The following TDP2 variants were observed in gnomAD, a reference collection of about 807,000 sequenced individuals.
TDP2 encodes the protein 5'-Tyr-DNA phosphodiesterase.
Under a neutral mutation model 42.8 loss-of-function variants are expected in TDP2, and 38 were observed. That is an observed-to-expected ratio of 0.89 (90% CI 0.68 to 1.16). The LOEUF is 1.16. Among genes scored for constraint, TDP2 ranks in the 50% most tolerant of loss-of-function variants. The probability of loss-of-function intolerance (pLI) is 0.00; values close to 1 mark genes in which losing one functional copy is unlikely to be tolerated. For missense variants in TDP2, 439 were observed against 439.3 expected, an observed-to-expected ratio of 1.00 and a Z score of 0.01; for synonymous variants, 173 against 150.6, an observed-to-expected ratio of 1.15 and a Z score of -1.09.
At chr6:24,666,382 C>A (rs938197447) in intron 2 of TDP2, 144 bp downstream of exon 2, 1 of 1,407,858 alleles carries the variant, frequency 7.1e-7, no homozygotes, top group Non-Finnish European at 9.8e-7. Flanking sequence ...AGCAGCAACG[C>A]AAGCCCTGCT....
At chr6:24,657,091 A>AC (rs1269809852) in intron 4 of TDP2, among the ~76,000 whole-genome samples, 1 of 152,260 alleles carries the variant, frequency 6.6e-6, no homozygotes, top group Non-Finnish European at 1.5e-5. Context: ...CTTGAACAAC[A>AC]CAAGTGAACT....
intron 2 of TDP2, among the ~76,000 whole-genome samples, chr6:24,661,805 T>C (rs1435173697): frequency 7.9e-6 from 1 of 126,154 alleles, no homozygotes; most frequent in Non-Finnish European, 1.6e-5. Flanking sequence ...TAGACTTTTT[T>C]TCAACGTCTT....
intron 6 of TDP2, 135 bp downstream of exon 6, chr6:24,652,848 C>T (rs1021106302): frequency 4.2e-5 from 39 of 922,582 alleles, no homozygotes; most frequent in South Asian, 4.2e-4. Flanking sequence ...AACAAATATT[C>T]GCTGAATTGC....
chr6:24,662,593 C>T (rs919858699), intron 2 of TDP2, among the ~76,000 whole-genome samples: 1 of 144,790 alleles, frequency 6.9e-6, no homozygotes, highest in African/African-American at 2.6e-5. Flanking sequence ...TCCCCCTCAC[C>T]GAGATGGGGA....
At chr6:24,653,474 C>T (rs1035662603) in intron 5 of TDP2, among the ~76,000 whole-genome samples, 1 of 152,116 alleles carries the variant, frequency 6.6e-6, no homozygotes, top group African/African-American at 2.4e-5. Flanking sequence ...GCCCCCTAGG[C>T]TAAATTAAAA....
chr6:24,650,574 T>G lies in TDP2; in HGVS notation c.*214A>C. 1 of 559,524 alleles carries G rather than the reference T, an allele frequency of 1.8e-6. No individual in the cohort carries two copies. The highest frequency in any genetic ancestry group is 3.1e-5 in the East Asian group (1 of 32,024). 34.7% of individuals were successfully genotyped at this position (559,524 alleles called of 1,614,324 possible). A position where few individuals can be genotyped will look rare whatever the true frequency, so the allele number is the denominator to read the frequency against. The stretch of plus-strand genomic sequence containing the variant: ...ACTCTGACAGGCTTTGTGCCCTTTT[T>G]ATTAAATGGCCTCACATCCTGAATG... On this transcript the variant is annotated 3_prime_UTR_variant, in exon 7 of 7. Coordinates refer to ENST00000378198, the MANE Select transcript of TDP2 (RefSeq NM_016614.3).
Position 24,666,812 on chromosome 6 carries a change from C to A in TDP2, c.51G>T (p.Glu17Asp). 1 of 1,614,224 alleles carries A rather than the reference C, an allele frequency of 6.2e-7. No individual in the cohort carries two copies. The highest frequency in any genetic ancestry group is 1.1e-5 in the South Asian group (1 of 91,090). The change falls in exon 1 of 7, where the codon GAG becomes GAT. Residue 17 changes from glutamate (E) to aspartate (D), a missense_variant. Transcript: ENST00000378198. ...LEGGREAAEEEGEPEVKKRRL... is the reference protein window; with the variant it reads ...LEGGREAAEEDGEPEVKKRRL... The stretch of plus-strand genomic sequence containing the variant: ...GCCGCTTTTTCACCTCAGGCTCGCC[C>A]TCTTCCTCCGCCGCCTCCCTCCCGC...
chr6:24,653,154 C>A lies in TDP2; in HGVS notation c.637-1G>T, dbSNP rs1190235147. The A allele has an allele frequency of 6.2e-7, 1 of 1,613,918 alleles. No individual in the cohort carries two copies. Among genetic ancestry groups the A allele is most frequent in the South Asian group, 1.1e-5 (1 of 91,066 alleles). ...AAAGCTCATTTCCTGACACGTTCAC[C>A]TGCAGCAGGACAAACAGTCATTAAA... On this transcript the variant is annotated splice_acceptor_variant, in intron 5 of 6. Transcript: ENST00000378198. LOFTEE classifies it high-confidence loss of function.
intron 2 of TDP2, among the ~76,000 whole-genome samples, chr6:24,660,765 T>C (rs1778133127): frequency 6.6e-6 from 1 of 152,202 alleles, no homozygotes; most frequent in African/African-American, 2.4e-5. Context: ...TCTCTTTTAA[T>C]TTTCTTCAAT....
chr6:24,653,491 T>C (rs1778006229), intron 5 of TDP2, among the ~76,000 whole-genome samples: 2 of 152,150 alleles, frequency 1.3e-5, no homozygotes, highest in African/African-American at 2.4e-5. Context: ...AAAAGGACAA[T>C]TATTTCCCTC....
chr6:24,660,060 A>G (rs1778116716), intron 2 of TDP2, among the ~76,000 whole-genome samples: 1 of 152,230 alleles, frequency 6.6e-6, no homozygotes, highest in African/African-American at 2.4e-5. Flanking sequence ...TAAACTATTC[A>G]TGAATTTTAA....
In TDP2 at chr6:24,654,545, G is replaced by A; in HGVS notation, c.518-15C>T. On this transcript the variant is annotated splice_polypyrimidine_tract_variant and intron_variant, in intron 4 of 6. Transcript: ENST00000378198. ...TTCTTCATGACCTACAAATGTTTGT[G>A]GAAAAGAATTTAGGCTGAGAAGGTG... The A allele has an allele frequency of 7.3e-7, 1 of 1,377,264 alleles. No homozygotes were observed. Among genetic ancestry groups the A allele is most frequent in the Non-Finnish European group, 1.0e-6 (1 of 980,454 alleles). 85.3% of individuals were successfully genotyped at this position (1,377,264 alleles called of 1,614,324 possible). A position where few individuals can be genotyped will look rare whatever the true frequency, so the allele number is the denominator to read the frequency against.
At chr6:24,659,071 C>T (rs1029501009) in intron 2 of TDP2, 6 of 178,084 alleles carry the variant, frequency 3.4e-5, no homozygotes, top group African/African-American at 1.2e-4. Flanking sequence ...TTTTCAGACG[C>T]TGAATTCCAG....
chr6:24,656,615 G>A (rs370807604), intron 4 of TDP2, among the ~76,000 whole-genome samples: 3 of 152,224 alleles, frequency 2.0e-5, no homozygotes, highest in East Asian at 3.9e-4. Context: ...AGCTTCCAGA[G>A]AGTAGGGAAA....
In TDP2 at chr6:24,658,588, G is replaced by A; in HGVS notation, c.398C>T (p.Ala133Val). Residue 133 changes from alanine (A) to valine (V), a missense_variant, in exon 3 of 7, where the codon GCT becomes GTT. Physicochemically the swap from Ala to Val is moderately conservative, Grantham distance 64 (BLOSUM62 0). Transcript: ENST00000378198. ...AGCTAAGTAGGAACACACCCCTCGAGCCCTCTCTGACAGATTGTTTAGATC... is the reference window on the plus strand; with the variant it reads ...AGCTAAGTAGGAACACACCCCTCGAACCCTCTCTGACAGATTGTTTAGATC... ...GLDLNNLSER[A>V]RGVCSYLALY... is the part of the protein sequence containing the mutation. 1 of 1,612,826 alleles carries A rather than the reference G, an allele frequency of 6.2e-7. No homozygotes were observed. The highest frequency in any genetic ancestry group is 8.5e-7 in the Non-Finnish European group (1 of 1,179,420).
At chr6:24,665,577 A>G (rs140846415) in intron 2 of TDP2, among the ~76,000 whole-genome samples, 24 of 152,378 alleles carry the variant, frequency 1.6e-4, no homozygotes, top group African/African-American at 5.3e-4. Context: ...AATTTTATAC[A>G]TTCAGTAAAT....
intron 4 of TDP2, 77 bp downstream of exon 4, chr6:24,657,735 A>G: frequency 3.8e-6 from 3 of 795,404 alleles, no homozygotes; most frequent in South Asian, 1.8e-5. Context: ...CTATGTCCCA[A>G]TAGACCAACT....
intron 6 of TDP2, 37 bp downstream of exon 6, chr6:24,652,946 A>T: frequency 6.2e-7 from 1 of 1,606,676 alleles, no homozygotes; most frequent in Non-Finnish European, 8.5e-7. Context: ...CATAGCAATA[A>T]TCTGTCCTCA....
chr6:24,661,315 T>C (rs770650440), intron 2 of TDP2, among the ~76,000 whole-genome samples: 12 of 152,240 alleles, frequency 7.9e-5, no homozygotes, highest in Non-Finnish European at 1.8e-4. Context: ...TCTTTTTTTA[T>C]GGATTGTAAT....
Sources: allele counts gnomAD v4.1 joint callset (sites outside exome capture counted in the v4.1 genomes callset), GRCh38; gene constraint gnomAD v4.1.1; transcripts MANE v1.5; gene names NCBI Gene and HGNC (gene_info 2026-07-23, HGNC 2026-07-21).